Variants in APOB observed in about 807,000 individuals in gnomAD.
The protein encoded by APOB is apolipoprotein B, also known as apolipoprotein B-100.
A neutral mutation model predicts 314.1 loss-of-function variants in APOB; 153 were observed. That is an observed-to-expected ratio of 0.49 (90% confidence interval 0.43 to 0.56). The LOEUF is 0.56. Ranked by LOEUF, APOB falls within the 20% of genes least tolerant of loss-of-function variation. The pLI, the probability that APOB is intolerant of heterozygous loss-of-function variation, is 0.00. For synonymous variants in APOB, 2,087 were observed against 2,036.4 expected, an observed-to-expected ratio of 1.02 and a Z score of -0.67; for missense variants, 5,430 against 5,350.7, an observed-to-expected ratio of 1.01 and a Z score of -0.46.
Position 21,024,923 on chromosome 2 carries a change from G to C in APOB, c.2436+10C>G. 1 of 1,613,880 alleles carries C rather than the reference G, an allele frequency of 6.2e-7. No individual in the cohort carries two copies. Among genetic ancestry groups the C allele is most frequent in the Non-Finnish European group, 8.5e-7 (1 of 1,179,928 alleles). On this transcript the variant is annotated intron_variant, in intron 16 of 28. Coordinates refer to ENST00000233242, the MANE Select transcript of APOB (RefSeq NM_000384.3). The stretch of plus-strand genomic sequence containing the variant: ...GTCTCATGGGCCCCCAGTGGGGCCT[G>C]CTGACTTACCATCTGGGGGATCCCC...
chr2:21,043,457 G>A, intron 2 of APOB, 56 bp downstream of exon 2: 1 of 1,562,710 alleles, frequency 6.4e-7, no homozygotes, highest in Non-Finnish European at 8.7e-7. Context: ...GGACCCGGGT[G>A]TAGGAGAGTG....
rs985544917 is a variant in APOB at position 21,003,307 on chromosome 2, A to G, written c.12115T>C (p.Phe4039Leu). 10 of 1,613,580 alleles carry G rather than the reference A, an allele frequency of 6.2e-6. No homozygotes were observed. Among genetic ancestry groups the G allele is most frequent in the Non-Finnish European group, 7.6e-6 (9 of 1,179,902 alleles). Residue 4039 changes from phenylalanine to leucine, a missense_variant, in exon 29 of 29, where the codon TTC (phenylalanine) becomes CTC (leucine). Coordinates refer to ENST00000233242, the MANE Select transcript of APOB (RefSeq NM_000384.3). Reference protein sequence around the residue: ...QSSPDKKLTIFKTELRVRESD... With the variant: ...QSSPDKKLTILKTELRVRESD... The stretch of plus-strand genomic sequence containing the variant: ...TCCCGGACCCTCAACTCAGTTTTGA[A>G]TATGGTGAGTTTTTTATCTGGAGAG...
intron 8 of APOB, 77 bp from the exon 9 acceptor site, chr2:21,033,595 T>G (rs909415927): frequency 8.0e-7 from 1 of 1,245,344 alleles, no homozygotes; most frequent in South Asian, 1.2e-5. Context: ...AAGCTGGAAA[T>G]TGTGGAGTAT....
chr2:21,007,665 A>G lies in APOB; in HGVS notation c.9203T>C (p.Ile3068Thr), dbSNP rs1558562271. The G allele has an allele frequency of 2.5e-6, 4 of 1,613,980 alleles. No homozygotes were observed. The highest frequency in any genetic ancestry group is 1.1e-5 in the South Asian group (1 of 91,082). Reference sequence around the variant, plus strand: ...CAGTGCATAGTTATTCAGGAAGTCTATCTTCCCTGTTAACCTTAATGGAAA... The same window carrying G: ...CAGTGCATAGTTATTCAGGAAGTCTGTCTTCCCTGTTAACCTTAATGGAAA... Reference protein sequence around the residue: ...VRFPLRLTGKIDFLNNYALFL... With the variant: ...VRFPLRLTGKTDFLNNYALFL... The change falls in exon 26 of 29, where the codon ATA becomes ACA. Residue 3068 changes from isoleucine (I) to threonine (T), a missense_variant. Ile to Thr is a moderately conservative substitution (Grantham distance 89, BLOSUM62 -1). This residue lies in a region of APOB where 3,281 missense variants were observed against 3,171.0 expected (regional missense o/e 1.03). Transcript: ENST00000233242.
rs1662977896 is a variant in APOB at position 21,001,602 on chromosome 2, A to G, written c.*128T>C. 3 of 872,514 alleles carry G rather than the reference A, an allele frequency of 3.4e-6. No homozygotes were observed. Among genetic ancestry groups the G allele is most frequent in the Non-Finnish European group, 5.4e-6 (3 of 559,712 alleles). The allele number at this position is 872,514 out of a possible 1,614,324, so 54.0% of individuals were successfully genotyped here. A position where few individuals can be genotyped will look rare whatever the true frequency, so the allele number is the denominator to read the frequency against. ...GTCCAGTTCATATGTGCTTCTGCTTATAGTCTACTGCCTACTGCAAGGCTG... is the reference window on the plus strand; with the variant it reads ...GTCCAGTTCATATGTGCTTCTGCTTGTAGTCTACTGCCTACTGCAAGGCTG... On this transcript the variant is annotated 3_prime_UTR_variant, in exon 29 of 29. Transcript: ENST00000233242.
At position 21,006,575 on chromosome 2, in the gene APOB, G is replaced by C; in HGVS notation, c.10293C>G (p.Ala3431=). 6.2e-7 allele frequency: 1 copy of C among 1,614,028 alleles called. No homozygotes were observed. The highest frequency in any genetic ancestry group is 1.3e-5 in the African/African-American group (1 of 75,010). The change falls in exon 26 of 29, where the codon GCC becomes GCG. Residue 3431 remains alanine, a synonymous_variant. Transcript: ENST00000233242. ...AATTCATTCTCAAAATTGGAATTTG[G>C]GCTTTTGTGGTTGTTGCCACTGACA... is the stretch of plus-strand genomic sequence containing the variant. ...MEVSVATTTK[A]QIPILRMNFK...
chr2:21,033,600 G>C (rs1331858616), intron 8 of APOB, 82 bp from the exon 9 acceptor site: 4 of 1,184,748 alleles, frequency 3.4e-6, no homozygotes, highest in South Asian at 1.2e-5. Flanking sequence ...GGAAATTGTG[G>C]AGTATCAGCA....
intron 5 of APOB, 27 bp from the exon 6 acceptor site, chr2:21,037,282 T>C (rs772417743): frequency 1.2e-6 from 2 of 1,612,420 alleles, no homozygotes; most frequent in Non-Finnish European, 1.7e-6. Flanking sequence ...TGCAACCACA[T>C]GTATTCAACA....
chr2:21,042,538 T>C (rs1377183757), intron 2 of APOB, 62 bp from the exon 3 acceptor site: 1 of 1,278,888 alleles, frequency 7.8e-7, no homozygotes, highest in Admixed American at 1.7e-5. Context: ...GACAGCCAAT[T>C]CTGGGCAGAG....
In APOB at chr2:21,012,550, C is replaced by T. The variant is rs530601244; in HGVS notation, c.4318G>A (p.Val1440Ile). ...FLDSNIKFSHVEKLGNNPVSK... is the reference protein window; with the variant it reads ...FLDSNIKFSHIEKLGNNPVSK... ...ACTGGGTTGTTTCCAAGTTTTTCTA[C>T]ATGACTGAATTTGATATTCGAATCT... is the stretch of plus-strand genomic sequence containing the variant. The change falls in exon 26 of 29, where the codon GTA becomes ATA. Residue 1440 changes from valine (V) to isoleucine (I), a missense_variant. Val to Ile is a conservative substitution (Grantham distance 29, BLOSUM62 3). Transcript: ENST00000233242. 2 of 1,614,180 alleles carry T rather than the reference C, an allele frequency of 1.2e-6. No homozygotes were observed. The highest frequency in any genetic ancestry group is 1.7e-6 in the Non-Finnish European group (2 of 1,180,018).
In APOB at chr2:21,042,426, C is replaced by A. The variant is rs1342403087; in HGVS notation, c.172G>T (p.Ala58Ser). The A allele has an allele frequency of 6.2e-7, 1 of 1,614,166 alleles. No homozygotes were observed. Among genetic ancestry groups the A allele is most frequent in the Non-Finnish European group, 8.5e-7 (1 of 1,180,042 alleles). ...CCAGGGACTCCACTGGAACTCTCAGCCTCATAGTTGTATGTGTACTTCCGG... is the reference window on the plus strand; with the variant it reads ...CCAGGGACTCCACTGGAACTCTCAGACTCATAGTTGTATGTGTACTTCCGG... ...HLRKYTYNYE[A>S]ESSSGVPGTA... Residue 58 changes from alanine (A) to serine (S), a missense_variant, in exon 3 of 29, where the codon GCT (alanine) becomes TCT (serine). Physicochemically the swap from Ala to Ser is moderately conservative, Grantham distance 99 (BLOSUM62 1). Coordinates refer to ENST00000233242, the MANE Select transcript of APOB (RefSeq NM_000384.3).
intron 10 of APOB, 122 bp from the exon 11 acceptor site, chr2:21,030,137 T>C (rs778134012): frequency 7.2e-6 from 5 of 697,220 alleles, no homozygotes; most frequent in South Asian, 1.6e-5. Flanking sequence ...AGAGCCTGAA[T>C]AGCTGAAGCA....
At position 21,040,981 on chromosome 2, in the gene APOB, T is replaced by G; in HGVS notation, c.340A>C (p.Lys114Gln). ...GFNPEGKALL[K>Q]KTKNSEEFAA... ...AACTCCTCAGAGTTCTTGGTTTTCT[T>G]CAGCAAGGCTTTGCCCTCAGGGTTG... Residue 114 changes from lysine (K) to glutamine (Q), a missense_variant, in exon 4 of 29, where the codon AAG becomes CAG. Physicochemically the swap from Lys to Gln is moderately conservative, Grantham distance 53. Around this residue, in one of 3 missense-constraint regions of APOB, gnomAD observed 2,085 missense variants for 2,079.7 expected, o/e 1.00. Transcript: ENST00000233242. 6.2e-7 allele frequency: 1 copy of G among 1,614,088 alleles called. No homozygotes were observed. Among genetic ancestry groups the G allele is most frequent in the Non-Finnish European group, 8.5e-7 (1 of 1,180,028 alleles).
rs755938013 is a variant in APOB, at chr2:21,028,502, C to T, written c.1654G>A (p.Ala552Thr). The T allele has an allele frequency of 5.6e-6, 9 of 1,613,686 alleles. No individual in the cohort carries two copies. The highest frequency in any genetic ancestry group is 5.0e-5 in the Admixed American group (3 of 60,024). ...GCCAGTCGCTTATCTCCCGGAGAAG[C>T]ATCATCAAGGAAAGTCTGAAGAAGA... ...EVLLQTFLDD[A>T]SPGDKRLAAY... The change falls in exon 13 of 29, where the codon GCT becomes ACT. Residue 552 changes from alanine to threonine, a missense_variant. By Grantham distance (58) the Ala-to-Thr change is moderately conservative. Coordinates refer to ENST00000233242, the MANE Select transcript of APOB (RefSeq NM_000384.3).
rs904819460 is a variant in APOB at position 21,042,411 on chromosome 2, C to T, written c.187G>A (p.Gly63Arg). ...CTTGAATCAGCAGTCCCAGGGACTC[C>T]ACTGGAACTCTCAGCCTCATAGTTG... ...TYNYEAESSSGVPGTADSRSA... is the reference protein window; with the variant it reads ...TYNYEAESSSRVPGTADSRSA... The change falls in exon 3 of 29, where the codon GGA (glycine) becomes AGA (arginine). Residue 63 changes from glycine to arginine, a missense_variant. This residue lies in a region of APOB where 2,085 missense variants were observed against 2,079.7 expected (regional missense o/e 1.00). Coordinates refer to ENST00000233242, the MANE Select transcript of APOB (RefSeq NM_000384.3). 4 of 1,614,006 alleles carry T rather than the reference C, an allele frequency of 2.5e-6. No individual in the cohort carries two copies. Among genetic ancestry groups the T allele is most frequent in the Non-Finnish European group, 3.4e-6 (4 of 1,180,036 alleles).
intron 20 of APOB, among the ~76,000 whole-genome samples, chr2:21,018,592 T>C (rs1351681553): frequency 6.6e-6 from 1 of 152,196 alleles, no homozygotes; most frequent in East Asian, 1.9e-4. Context: ...ATAGGTCTCC[T>C]TATGCTCACT....
chr2:21,013,625 C>T, intron 24 of APOB, 92 bp from the exon 25 acceptor site: 1 of 1,565,754 alleles, frequency 6.4e-7, no homozygotes, highest in Non-Finnish European at 8.8e-7. Flanking sequence ...ATTGTACTTG[C>T]CCCATTCCCA....
Position 21,007,290 on chromosome 2 carries a change from A to C in APOB, c.9578T>G (p.Leu3193Arg). The C allele has an allele frequency of 6.2e-7, 1 of 1,613,794 alleles. No homozygotes were observed. Among genetic ancestry groups the C allele is most frequent in the Non-Finnish European group, 8.5e-7 (1 of 1,179,842 alleles). ...GATGCTCTGACTGATAAACTCACAAAGCACAGCCAAAGGATTTGTGATGGA... is the reference window on the plus strand; with the variant it reads ...GATGCTCTGACTGATAAACTCACAACGCACAGCCAAAGGATTTGTGATGGA... ...RHSITNPLAV[L>R]CEFISQSIKS... Residue 3193 changes from leucine (L) to arginine (R), a missense_variant, in exon 26 of 29, where the codon CTT becomes CGT. By Grantham distance (102) the Leu-to-Arg change is moderately radical. Transcript: ENST00000233242.
intron 13 of APOB, 75 bp from the exon 14 acceptor site, chr2:21,028,140 T>C (rs1451703815): frequency 4.8e-6 from 6 of 1,242,514 alleles, no homozygotes; most frequent in African/African-American, 1.5e-5. Context: ...CAAGTAAATA[T>C]GGATTTCCAA....
Sources: gnomAD v4.1 joint callset for allele counts (sites outside exome capture counted in the v4.1 genomes callset) on GRCh38, gnomAD v4.1.1 for gene constraint, gnomAD v4.1.1 regional missense constraint, MANE v1.5 for transcripts, NCBI Gene and HGNC (gene_info 2026-07-23, HGNC 2026-07-21) for gene names.